The following RALYL variants were observed in gnomAD, a reference collection of about 807,000 sequenced individuals.
RALYL encodes RALY RNA binding protein like, also known as RNA-binding Raly-like protein.
A neutral mutation model predicts 35.1 loss-of-function variants in RALYL; 29 were observed. The ratio of observed to expected loss-of-function variants is 0.83; its 90% CI spans 0.61 to 1.13. The LOEUF is 1.13. RALYL is among the 50% of genes most tolerant of loss of function. RALYL has a pLI of 0.00. For synonymous variants in RALYL, 120 were observed against 127.6 expected, an observed-to-expected ratio of 0.94 and a Z score of 0.40; for missense variants, 359 against 360.4, an observed-to-expected ratio of 1.00 and a Z score of 0.03.
chr8:84,190,846 A>G (rs1813669200), intron 1 of RALYL, among the ~76,000 whole-genome samples: 2 of 151,480 alleles, frequency 1.3e-5, no homozygotes, highest in African/African-American at 2.4e-5. Context: ...TAAGTCCTGC[A>G]CAGGTAGAAA....
intron 1 of RALYL, among the ~76,000 whole-genome samples, chr8:84,482,871 C>T (rs897141281): frequency 1.2e-4 from 18 of 152,030 alleles, no homozygotes; most frequent in Admixed American, 1.1e-3. Flanking sequence ...TTGTAGGTCA[C>T]TGATTCACTG....
intron 1 of RALYL, among the ~76,000 whole-genome samples, chr8:84,498,920 A>G (rs1032216346): frequency 3.3e-5 from 5 of 152,142 alleles, no homozygotes; most frequent in Non-Finnish European, 5.9e-5. Flanking sequence ...TAACCTAGTT[A>G]CAATTAGTTA....
intron 2 of RALYL, among the ~76,000 whole-genome samples, chr8:84,535,803 A>G (rs1363765527): frequency 1.3e-5 from 2 of 151,744 alleles, no homozygotes; most frequent in Admixed American, 6.6e-5. Flanking sequence ...CAAGATACCT[A>G]TAGTACCCCT....
At chr8:84,367,836 T>G (rs1854805163) in intron 1 of RALYL, among the ~76,000 whole-genome samples, 1 of 152,212 alleles carries the variant, frequency 6.6e-6, no homozygotes, top group South Asian at 2.1e-4. Context: ...TTAAAAGGCC[T>G]CAAATCACAG....
At chr8:84,247,072 G>A (rs1829249542) in intron 1 of RALYL, among the ~76,000 whole-genome samples, 1 of 152,100 alleles carries the variant, frequency 6.6e-6, no homozygotes, top group African/African-American at 2.4e-5. Context: ...TATAGGGTTA[G>A]TGAAATTATC....
chr8:84,753,756 C>T (rs1380107176), intron 2 of RALYL, among the ~76,000 whole-genome samples: 1 of 152,156 alleles, frequency 6.6e-6, no homozygotes, highest in African/African-American at 2.4e-5. Flanking sequence ...TCCCCAGAAG[C>T]ATGCTAGCAT....
chr8:84,305,721 G>C (rs951808580), intron 1 of RALYL, among the ~76,000 whole-genome samples: 2 of 152,140 alleles, frequency 1.3e-5, no homozygotes, highest in African/African-American at 4.8e-5. Flanking sequence ...AAACAAGTTG[G>C]TTGGTAATTG....
chr8:84,202,027 T>C (rs1034505519), intron 1 of RALYL, among the ~76,000 whole-genome samples: 4 of 152,186 alleles, frequency 2.6e-5, no homozygotes, highest in Non-Finnish European at 5.9e-5. Flanking sequence ...ATTGTAATAA[T>C]GTACTTTGTC....
chr8:84,300,478 G>A (rs1840562063), intron 1 of RALYL, among the ~76,000 whole-genome samples: 1 of 151,892 alleles, frequency 6.6e-6, no homozygotes, highest in Admixed American at 6.6e-5. Context: ...GTCAAGTATA[G>A]GTCCTGAATA....
chr8:84,706,081 CT>C, intron 2 of RALYL: 4 of 1,533,592 alleles, frequency 2.6e-6, no homozygotes, highest in Non-Finnish European at 3.5e-6. Flanking sequence ...TCTGACCCAA[CT>C]TTTTCATATC....
intron 1 of RALYL, among the ~76,000 whole-genome samples, chr8:84,380,057 T>TTGTG (rs60900204): frequency 0.034 from 5,039 of 147,082 alleles, 140 homozygotes; most frequent in African/African-American, 0.078. Flanking sequence ...CTTCTCAAAA[T>TTGTG]TGTGTGTGTG....
intron 1 of RALYL, among the ~76,000 whole-genome samples, chr8:84,224,751 G>T (rs1000799894): frequency 6.6e-6 from 1 of 151,720 alleles, no homozygotes; most frequent in East Asian, 1.9e-4. Context: ...CTACCTCCTG[G>T]GTTCAAGCAA....
At chr8:84,342,026 A>G (rs1222083041) in intron 1 of RALYL, among the ~76,000 whole-genome samples, 1 of 151,714 alleles carries the variant, frequency 6.6e-6, no homozygotes, top group African/African-American at 2.4e-5. Context: ...TATCATTTGC[A>G]TTATGATAAA....
chr8:84,797,503 C>T (rs930130119), intron 3 of RALYL, among the ~76,000 whole-genome samples: 3 of 152,144 alleles, frequency 2.0e-5, no homozygotes, highest in South Asian at 2.1e-4. Context: ...TAGACTCCCT[C>T]GTTGTTTGCG....
intron 1 of RALYL, among the ~76,000 whole-genome samples, chr8:84,195,425 C>T (rs571550719): frequency 3.6e-4 from 55 of 151,998 alleles, no homozygotes; most frequent in Admixed American, 2.2e-3. Flanking sequence ...AGCGACAGAG[C>T]GAGACTCCAT....
chr8:84,201,946 T>C (rs1190192982), intron 1 of RALYL, among the ~76,000 whole-genome samples: 1 of 152,208 alleles, frequency 6.6e-6, no homozygotes, highest in Non-Finnish European at 1.5e-5. Flanking sequence ...TTATATTATG[T>C]CATAGATTTC....
chr8:84,427,050 T>C (rs948237176), intron 1 of RALYL, among the ~76,000 whole-genome samples: 2 of 152,212 alleles, frequency 1.3e-5, no homozygotes, highest in African/African-American at 2.4e-5. Flanking sequence ...AAACAACTCA[T>C]GGATGAACAG....
At chr8:84,189,726 T>C (rs572202477) in intron 1 of RALYL, among the ~76,000 whole-genome samples, 100 of 152,262 alleles carry the variant, frequency 6.6e-4, no homozygotes, top group African/African-American at 2.1e-3. Context: ...GATGATTTTT[T>C]TGTTTCTTTT....
At chr8:84,421,431 C>T (rs1348641725) in intron 1 of RALYL, among the ~76,000 whole-genome samples, 1,810 of 97,594 alleles carry the variant, frequency 0.019, no homozygotes, top group Admixed American at 0.027. Context: ...TGCTTATCAG[C>T]TTAAGGAGAT....
Sources: allele counts gnomAD v4.1 joint callset (sites outside exome capture counted in the v4.1 genomes callset), GRCh38; gene constraint gnomAD v4.1.1; transcripts MANE v1.5; gene names NCBI Gene and HGNC (gene_info 2026-07-23, HGNC 2026-07-21).